SCARB1: variants seen among roughly 807,000 people sequenced by gnomAD.
SCARB1 encodes the protein scavenger receptor class B member 1, also known as CD36 and LIMPII analogous 1.
SCARB1 carries 30 observed loss-of-function variants against 57.2 expected under a neutral mutation model. The ratio of observed to expected loss-of-function variants is 0.52; its 90% CI spans 0.39 to 0.71. The LOEUF is 0.71. SCARB1 is among the 30% of genes least tolerant of loss of function. The pLI is 0.00. For missense variants in SCARB1, 543 were observed against 671.2 expected, an observed-to-expected ratio of 0.81 and a Z score of 2.11; for synonymous variants, 249 against 268.3, an observed-to-expected ratio of 0.93 and a Z score of 0.70.
At chr12:124,855,090 G>A (rs1199828889) in intron 1 of SCARB1, among the ~76,000 whole-genome samples, 2 of 152,188 alleles carry the variant, frequency 1.3e-5, no homozygotes, top group African/African-American at 4.8e-5. Flanking sequence ...CAGCCAGGAA[G>A]GTGGGAGGAA....
At chr12:124,818,320 G>GT (rs1431623924) in intron 1 of SCARB1, among the ~76,000 whole-genome samples, 1 of 152,186 alleles carries the variant, frequency 6.6e-6, no homozygotes, top group African/African-American at 2.4e-5. Context: ...CAGTCATCAC[G>GT]TAAGTGAAAT....
intron 1 of SCARB1, among the ~76,000 whole-genome samples, chr12:124,824,636 C>G (rs1366973291): frequency 6.6e-6 from 1 of 152,208 alleles, no homozygotes; most frequent in Non-Finnish European, 1.5e-5. Flanking sequence ...AAAACAACTA[C>G]AGGCAAAGAT....
intron 11 of SCARB1, 131 bp downstream of exon 11, chr12:124,786,226 C>G: frequency 6.3e-7 from 1 of 1,598,476 alleles, no homozygotes; most frequent in East Asian, 2.2e-5. Flanking sequence ...CCCACTCCGG[C>G]AGAGACGCAG....
At chr12:124,790,767 C>T (rs1949696990) in intron 9 of SCARB1, among the ~76,000 whole-genome samples, 1 of 152,202 alleles carries the variant, frequency 6.6e-6, no homozygotes, top group South Asian at 2.1e-4. Flanking sequence ...AGTGCACACT[C>T]AAGCGTCGCT....
At chr12:124,787,331 C>T in intron 10 of SCARB1, 75 bp downstream of exon 10, 1 of 1,388,868 alleles carries the variant, frequency 7.2e-7, no homozygotes, top group Middle Eastern at 1.9e-4. Flanking sequence ...CAAGCTGCTC[C>T]CCCCGCCTCC....
chr12:124,855,022 C>T lies in SCARB1; in HGVS notation c.126+8573G>A, dbSNP rs533901176. Among the ~76,000 whole-genome samples the T allele has an allele frequency of 1.8e-4, 27 of 152,194 alleles. No homozygotes were observed. The South Asian group carries it at 5.4e-3, about 30-fold the overall frequency. ...CACAGAAAGGATGCCTGGAGCTCCACCAGCAGGAGGCAGGAGGCCAGGGAG... is the reference window on the plus strand; with the variant it reads ...CACAGAAAGGATGCCTGGAGCTCCATCAGCAGGAGGCAGGAGGCCAGGGAG... On this transcript the variant is annotated intron_variant, in intron 1 of 12. Coordinates refer to ENST00000261693, the MANE Select transcript of SCARB1 (RefSeq NM_005505.5).
chr12:124,840,241 T>A (rs60430451), intron 1 of SCARB1, among the ~76,000 whole-genome samples: 4 of 151,884 alleles, frequency 2.6e-5, no homozygotes, highest in Non-Finnish European at 5.9e-5. Context: ...GAGTACAGTC[T>A]TGGCTCACTG....
At chr12:124,786,863 C>T (rs551472169) in intron 10 of SCARB1, among the ~76,000 whole-genome samples, 1 of 152,350 alleles carries the variant, frequency 6.6e-6, no homozygotes, top group South Asian at 2.1e-4. Flanking sequence ...CAGAGCTCTG[C>T]CTCCCCATCA....
At chr12:124,816,178 C>T (rs1314258641) in intron 2 of SCARB1, among the ~76,000 whole-genome samples, 1 of 151,982 alleles carries the variant, frequency 6.6e-6, no homozygotes, top group Non-Finnish European at 1.5e-5. Context: ...CTCCCTCCTG[C>T]ACTCCGGCTT....
intron 1 of SCARB1, among the ~76,000 whole-genome samples, chr12:124,818,728 CT>C (rs34399476): frequency 0.68 from 102,590 of 151,060 alleles, 38,164 homozygotes; most frequent in Non-Finnish European, 0.84. Context: ...TCACCGAAAC[CT>C]CCATATTCCG....
At chr12:124,797,685 A>G (rs1949989389) in intron 8 of SCARB1, among the ~76,000 whole-genome samples, 1 of 152,214 alleles carries the variant, frequency 6.6e-6, no homozygotes, top group African/African-American at 2.4e-5. Flanking sequence ...GACTGTGTTC[A>G]TGGTGGAATT....
At chr12:124,863,320 G>C (rs1282668876) in intron 1 of SCARB1, among the ~76,000 whole-genome samples, 1 of 149,198 alleles carries the variant, frequency 6.7e-6, no homozygotes, top group Non-Finnish European at 1.5e-5. Context: ...TCAGGCGCCC[G>C]GGTGGTCTCC....
intron 1 of SCARB1, among the ~76,000 whole-genome samples, chr12:124,859,098 A>G (rs1161854928): frequency 6.6e-6 from 1 of 152,112 alleles, no homozygotes; most frequent in African/African-American, 2.4e-5. Context: ...TGCCCACGCT[A>G]GTCTTAAACT....
At chr12:124,862,732 G>A (rs973127767) in intron 1 of SCARB1, among the ~76,000 whole-genome samples, 2 of 149,996 alleles carry the variant, frequency 1.3e-5, no homozygotes, top group Admixed American at 6.7e-5. Flanking sequence ...TAGTTCAAAT[G>A]TGATACTCTG....
At chr12:124,837,629 G>A (rs1951739373) in intron 1 of SCARB1, among the ~76,000 whole-genome samples, 1 of 151,888 alleles carries the variant, frequency 6.6e-6, no homozygotes, top group Admixed American at 6.5e-5. Flanking sequence ...CTGCACGCCT[G>A]TAATCCCAAC....
At chr12:124,863,573 C>G (rs748655022) in intron 1 of SCARB1, 22 bp downstream of exon 1, 9 of 1,599,392 alleles carry the variant, frequency 5.6e-6, no homozygotes, top group Non-Finnish European at 7.7e-6. Context: ...TGCGCGGACC[C>G]CCTGGGGTCT....
intron 1 of SCARB1, among the ~76,000 whole-genome samples, chr12:124,824,192 GAGAA>G (rs1490411339): frequency 6.3e-5 from 9 of 142,210 alleles, no homozygotes; most frequent in Non-Finnish European, 9.2e-5. Context: ...AAAAAAAAAA[GAGAA>G]AGAAAGAAAG....
Position 124,807,360 on chromosome 12 carries a change from C to T in SCARB1, c.1009+401G>A, listed in dbSNP as rs1302537916. ...GATCAGAAGGATGCCATGTTGCTGG[C>T]CTCAAAGGTGGAGGAAGGGCCCGGG... On this transcript the variant is annotated intron_variant, in intron 7 of 12. Coordinates refer to ENST00000261693, the MANE Select transcript of SCARB1 (RefSeq NM_005505.5). This position sits in a 1 kb window ranked among gnomAD's most constrained non-coding sequence, Gnocchi z 5.3. Among the ~76,000 whole-genome samples, 1 of 152,076 alleles carries T rather than the reference C, an allele frequency of 6.6e-6. No homozygotes were observed. The highest frequency in any genetic ancestry group is 2.4e-5 in the African/African-American group (1 of 41,398).
intron 1 of SCARB1, among the ~76,000 whole-genome samples, chr12:124,824,940 C>T (rs985175226): frequency 1.3e-5 from 2 of 152,120 alleles, no homozygotes; most frequent in African/African-American, 4.8e-5. Flanking sequence ...AATGCTGATC[C>T]CAGGCCAGGT....
Sources: allele counts gnomAD v4.1 joint callset (sites outside exome capture counted in the v4.1 genomes callset), GRCh38; gene constraint gnomAD v4.1.1; non-coding constraint Gnocchi (gnomAD v3.1); transcripts MANE v1.5; gene names NCBI Gene and HGNC (gene_info 2026-07-23, HGNC 2026-07-21).